Variants in MITF observed in about 807,000 individuals in gnomAD.
MITF encodes the protein melanocyte inducing transcription factor.
MITF carries 17 observed loss-of-function variants against 60.5 expected under a neutral mutation model. The observed-to-expected ratio is 0.28, with a 90% CI of 0.19 to 0.42. The LOEUF is 0.42. Ranked by LOEUF, MITF falls within the 10% of genes least tolerant of loss-of-function variation. The pLI, the probability that MITF is intolerant of heterozygous loss-of-function variation, is 1.00. For missense variants in MITF, 622 were observed against 683.5 expected (o/e 0.91, Z 1.00); for synonymous variants, 260 against 248.5 (o/e 1.05, Z -0.43).
chr3:69,926,668 G>T (rs2065597751), intron 2 of MITF, among the ~76,000 whole-genome samples: 1 of 152,252 alleles, frequency 6.6e-6, no homozygotes. Context: ...TCCCATGGTG[G>T]GGGGGATCTG....
intron 3 of MITF, chr3:69,938,627 C>T (rs771082280): frequency 1.5e-6 from 2 of 1,342,334 alleles, no homozygotes; most frequent in African/African-American, 1.5e-5. Context: ...GTTAAATCTG[C>T]TTTGGTGAAG....
chr3:69,790,580 T>C (rs1164881043), intron 1 of MITF, among the ~76,000 whole-genome samples: 1 of 152,246 alleles, frequency 6.6e-6, no homozygotes, highest in Non-Finnish European at 1.5e-5. Context: ...AACATCTTAC[T>C]TGAAGTTGCA....
chr3:69,939,004 T>A, intron 3 of MITF, 94 bp from the exon 4 acceptor site: 2 of 1,559,282 alleles, frequency 1.3e-6, no homozygotes, highest in Non-Finnish European at 1.7e-6. Context: ...GCTTAGTTCA[T>A]CTTGTTGCTG....
At chr3:69,820,706 G>T (rs2063255612) in intron 1 of MITF, among the ~76,000 whole-genome samples, 1 of 152,148 alleles carries the variant, frequency 6.6e-6, no homozygotes, top group Admixed American at 6.6e-5. Context: ...TGATGTGCAG[G>T]CCTTGCAGTC....
At chr3:69,950,786 C>A (rs994795225) in intron 6 of MITF, among the ~76,000 whole-genome samples, 2 of 151,908 alleles carry the variant, frequency 1.3e-5, no homozygotes, top group Non-Finnish European at 2.9e-5. Context: ...GGTCAAGTAA[C>A]ATGTTTTGTT....
intron 1 of MITF, among the ~76,000 whole-genome samples, chr3:69,860,851 C>T (rs2064003902): frequency 6.6e-6 from 1 of 152,128 alleles, no homozygotes. Context: ...TCCTTGGTTT[C>T]CGGGGACAAT....
chr3:69,777,615 G>A lies in MITF; in HGVS notation c.104+37914G>A, dbSNP rs750239846. On this transcript the variant is annotated intron_variant, in intron 1 of 9. Transcript: ENST00000352241. ...GGTGTGCAGAGAAGTGCTAATGGTC[G>A]CATCAAGGCCTGGATGTCAGATCCT... Among the ~76,000 whole-genome samples, 8 of 152,270 alleles carry A rather than the reference G, an allele frequency of 5.3e-5. No individual in the cohort carries two copies. In the South Asian group the frequency reaches 6.2e-4, roughly 12 times the overall value.
intron 9 of MITF, among the ~76,000 whole-genome samples, chr3:69,960,494 C>T (rs1419307341): frequency 6.6e-6 from 1 of 152,100 alleles, no homozygotes; most frequent in African/African-American, 2.4e-5. Context: ...GCACTACTTC[C>T]TCTGAAATGA....
At chr3:69,875,191 C>T (rs778811824) in intron 1 of MITF, among the ~76,000 whole-genome samples, 9 of 152,164 alleles carry the variant, frequency 5.9e-5, no homozygotes, top group Non-Finnish European at 1.2e-4. Context: ...CCCTCCTCCT[C>T]GAGCCATTGC....
chr3:69,843,964 A>G (rs113271527), intron 1 of MITF, among the ~76,000 whole-genome samples: 15,606 of 151,654 alleles, frequency 0.1, 1,046 homozygotes, highest in Non-Finnish European at 0.14. Context: ...TCATTGTTCA[A>G]CTCCCACTTA....
chr3:69,958,482 A>G (rs964073135), intron 8 of MITF, among the ~76,000 whole-genome samples: 3 of 152,070 alleles, frequency 2.0e-5, no homozygotes, highest in African/African-American at 7.2e-5. Flanking sequence ...GACTTGTTTA[A>G]TGACCCTCCA....
chr3:69,739,737 G>T, intron 1 of MITF, 36 bp downstream of exon 1: 1 of 1,482,622 alleles, frequency 6.7e-7, no homozygotes, highest in Non-Finnish European at 9.2e-7. Context: ...CGCACCGGGC[G>T]GCTGGGGGGC....
Position 69,954,593 on chromosome 3 carries a change from A to T in MITF, c.956-1862A>T, listed in dbSNP as rs2066350321. On this transcript the variant is annotated intron_variant, in intron 7 of 9. Transcript: ENST00000352241. ...GGCGTGTCTGGCTTGCTTGAGGAAT[A>T]GCAAGGAGCCAGAGGGGCTAGAGTA... is the stretch of plus-strand genomic sequence containing the variant. Among the ~76,000 whole-genome samples, 4 of 152,196 alleles carry T rather than the reference A, an allele frequency of 2.6e-5. 1 individual carries two copies. In the South Asian group the frequency reaches 8.3e-4, roughly 31 times the overall value.
At chr3:69,852,453 G>A (rs994692833) in intron 1 of MITF, among the ~76,000 whole-genome samples, 12 of 152,010 alleles carry the variant, frequency 7.9e-5, no homozygotes, top group Admixed American at 6.5e-4. Context: ...GGATTCTTTC[G>A]CTTAACATTA....
At chr3:69,763,893 C>G (rs1466374667) in intron 1 of MITF, 1 of 1,378,650 alleles carries the variant, frequency 7.3e-7, no homozygotes. Context: ...TATTTTCTCT[C>G]TCTGTGAAAA....
chr3:69,774,326 T>C (rs1349318427), intron 1 of MITF, among the ~76,000 whole-genome samples: 1 of 152,110 alleles, frequency 6.6e-6, no homozygotes, highest in Non-Finnish European at 1.5e-5. Context: ...GGACCGTCTT[T>C]TATTATTCAA....
chr3:69,813,065 A>G (rs1222188282), intron 1 of MITF, among the ~76,000 whole-genome samples: 1 of 152,276 alleles, frequency 6.6e-6, no homozygotes, highest in African/African-American at 2.4e-5. Context: ...TACTATTCCA[A>G]TTATACAATT....
chr3:69,837,129 G>C (rs2063552562), intron 1 of MITF, among the ~76,000 whole-genome samples: 1 of 152,202 alleles, frequency 6.6e-6, no homozygotes, highest in African/African-American at 2.4e-5. Context: ...ATCTGATTGA[G>C]AACCTGAAGG....
At chr3:69,864,097 A>G (rs2064067272) in intron 1 of MITF, among the ~76,000 whole-genome samples, 1 of 152,198 alleles carries the variant, frequency 6.6e-6, no homozygotes, top group Admixed American at 6.5e-5. Flanking sequence ...ACAATGCTGA[A>G]CACATTACTT....
Sources: allele counts gnomAD v4.1 joint callset (sites outside exome capture counted in the v4.1 genomes callset), GRCh38; gene constraint gnomAD v4.1.1; transcripts MANE v1.5; gene names NCBI Gene and HGNC (gene_info 2026-07-23, HGNC 2026-07-21).